The following PHYHIPL variants were observed in gnomAD, a reference collection of about 807,000 sequenced individuals.
PHYHIPL encodes phytanoyl-CoA hydroxylase-interacting protein-like.
Under a neutral mutation model 33.4 loss-of-function variants are expected in PHYHIPL, and 9 were observed. That is an observed-to-expected ratio of 0.27 (90% CI 0.16 to 0.47). The LOEUF (loss-of-function observed/expected upper bound fraction) is 0.47. PHYHIPL is among the 20% of genes least tolerant of loss of function. PHYHIPL has a pLI of 0.99. For missense variants in PHYHIPL, 365 were observed against 460.7 expected, an observed-to-expected ratio of 0.79 and a Z score of 1.90; for synonymous variants, 153 against 154.1, an observed-to-expected ratio of 0.99 and a Z score of 0.05.
At chr10:59,225,752 T>A (rs1364175665) in intron 1 of PHYHIPL, among the ~76,000 whole-genome samples, 1 of 152,164 alleles carries the variant, frequency 6.6e-6, no homozygotes, top group Non-Finnish European at 1.5e-5. Context: ...GAAACTTATG[T>A]AACTACCCCT....
At chr10:59,195,162 G>T (rs1838878745) in intron 1 of PHYHIPL, among the ~76,000 whole-genome samples, 1 of 151,292 alleles carries the variant, frequency 6.6e-6, no homozygotes. Context: ...TTATTTTGGT[G>T]CTAGAATTTA....
intron 1 of PHYHIPL, among the ~76,000 whole-genome samples, chr10:59,226,524 C>T (rs1839929763): frequency 6.6e-6 from 1 of 152,048 alleles, no homozygotes; most frequent in Non-Finnish European, 1.5e-5. Context: ...GTGGTGGAAT[C>T]ATTGCTAAGG....
chr10:59,182,412 G>A (rs944621097), intron 1 of PHYHIPL, among the ~76,000 whole-genome samples: 8 of 152,016 alleles, frequency 5.3e-5, no homozygotes, highest in African/African-American at 9.7e-5. Flanking sequence ...GCGCAGTCTT[G>A]GCTCACTGCA....
At chr10:59,232,481 A>T (rs1232650808) in intron 1 of PHYHIPL, among the ~76,000 whole-genome samples, 1 of 151,972 alleles carries the variant, frequency 6.6e-6, no homozygotes, top group Non-Finnish European at 1.5e-5. Flanking sequence ...GAATGAAAAA[A>T]TCCAAAAAAC....
In PHYHIPL at chr10:59,177,113, C is replaced by G. The variant is rs532889326; in HGVS notation, c.106+154C>G. 190 of 650,930 alleles carry G rather than the reference C, an allele frequency of 2.9e-4. 1 individual carries two copies. The highest frequency in any genetic ancestry group is 7.2e-4 in the Admixed American group (23 of 32,028). 40.3% of individuals were successfully genotyped at this position (650,930 alleles called of 1,614,324 possible). The stretch of plus-strand genomic sequence containing the variant: ...CAGATGTGGGTTACCCTCCGCCCAC[C>G]GCCCTCCCCTCACCCCAGAAACAAA... On this transcript the variant is annotated intron_variant, in intron 1 of 4. Coordinates refer to ENST00000373880, the MANE Select transcript of PHYHIPL (RefSeq NM_032439.4).
At chr10:59,181,646 C>T (rs899132933) in intron 1 of PHYHIPL, among the ~76,000 whole-genome samples, 2 of 152,030 alleles carry the variant, frequency 1.3e-5, no homozygotes, top group Admixed American at 6.6e-5. Flanking sequence ...GGACACGTAG[C>T]ATGTAGATTA....
At chr10:59,185,796 A>G (rs1838579019) in intron 1 of PHYHIPL, among the ~76,000 whole-genome samples, 1 of 151,976 alleles carries the variant, frequency 6.6e-6, no homozygotes, top group East Asian at 1.9e-4. Flanking sequence ...TCCTTTGCCC[A>G]CTTTTTGATG....
intron 1 of PHYHIPL, among the ~76,000 whole-genome samples, chr10:59,223,382 C>T (rs1839832201): frequency 6.6e-6 from 1 of 152,128 alleles, no homozygotes; most frequent in Admixed American, 6.5e-5. Context: ...ATATGCCAGC[C>T]TATTTCTACC....
intron 1 of PHYHIPL, among the ~76,000 whole-genome samples, chr10:59,223,835 T>C (rs1450017063): frequency 6.6e-6 from 1 of 151,990 alleles, no homozygotes; most frequent in Non-Finnish European, 1.5e-5. Flanking sequence ...AATTTTTGGA[T>C]TTTTTGTAGA....
chr10:59,173,895 T>C (rs968761340), upstream of PHYHIPL, among the ~76,000 whole-genome samples: 5 of 139,474 alleles, frequency 3.6e-5, no homozygotes, highest in Non-Finnish European at 6.0e-5. Flanking sequence ...GGTCAGAAGA[T>C]GAGAGGAAAA....
intron 1 of PHYHIPL, among the ~76,000 whole-genome samples, chr10:59,182,242 C>A (rs1838430789): frequency 6.6e-6 from 1 of 152,090 alleles, no homozygotes; most frequent in African/African-American, 2.4e-5. Flanking sequence ...TTTTCCATTT[C>A]TGTTATATTG....
intron 1 of PHYHIPL, among the ~76,000 whole-genome samples, chr10:59,191,065 A>G (rs1838771308): frequency 6.6e-6 from 1 of 151,800 alleles, no homozygotes; most frequent in South Asian, 2.1e-4. Context: ...AGTTGTCTCA[A>G]TATTTCTGAC....
chr10:59,196,695 G>A (rs146895499), intron 1 of PHYHIPL, among the ~76,000 whole-genome samples: 4 of 152,040 alleles, frequency 2.6e-5, no homozygotes, highest in East Asian at 3.9e-4. Context: ...GGTATTACAC[G>A]TGTGAGCCAC....
chr10:59,206,976 C>T, intron 1 of PHYHIPL: 1 of 223,618 alleles, frequency 4.5e-6, no homozygotes, highest in Non-Finnish European at 8.5e-6. Context: ...CAAAACAATA[C>T]AGTAAGAGGG....
rs1250076112 is a variant in PHYHIPL at position 59,245,714 on chromosome 10, AAAC to A, written c.*127_*129del. ...ATGCACATGCCACTGTCACCAAAAC[AAAC>A]AACTACCACTTTCCAAATTTCATTC... On this transcript the variant is annotated 3_prime_UTR_variant, in exon 5 of 5. Coordinates refer to ENST00000373880, the MANE Select transcript of PHYHIPL (RefSeq NM_032439.4). The A allele has an allele frequency of 7.0e-5, 76 of 1,084,780 alleles. No individual in the cohort carries two copies. Among genetic ancestry groups the A allele is most frequent in the South Asian group, 4.0e-4 (24 of 59,556 alleles). The allele number at this position is 1,084,780 out of a possible 1,614,324, so 67.2% of individuals were successfully genotyped here. A position where few individuals can be genotyped will look rare whatever the true frequency, so the allele number is the denominator to read the frequency against.
chr10:59,200,800 C>T (rs1341274938), intron 1 of PHYHIPL, among the ~76,000 whole-genome samples: 5 of 152,080 alleles, frequency 3.3e-5, no homozygotes, highest in African/African-American at 7.2e-5. Context: ...GTGTATGTGT[C>T]GAAGAATTTA....
At chr10:59,204,532 A>G (rs1427264296) in intron 1 of PHYHIPL, among the ~76,000 whole-genome samples, 3 of 152,146 alleles carry the variant, frequency 2.0e-5, no homozygotes, top group Admixed American at 2.0e-4. Flanking sequence ...GATTAGTGCA[A>G]ATTTAGTTTG....
chr10:59,196,731 C>T (rs1838931353), intron 1 of PHYHIPL, among the ~76,000 whole-genome samples: 1 of 152,022 alleles, frequency 6.6e-6, no homozygotes, highest in Non-Finnish European at 1.5e-5. Context: ...ACACTGTCAA[C>T]ATTTTTTATG....
chr10:59,187,628 T>C (rs1489459249), intron 1 of PHYHIPL, among the ~76,000 whole-genome samples: 2 of 152,210 alleles, frequency 1.3e-5, no homozygotes, highest in Non-Finnish European at 2.9e-5. Context: ...TATTAATTAT[T>C]GCCTCAATTT....
Sources: allele counts gnomAD v4.1 joint callset (sites outside exome capture counted in the v4.1 genomes callset), GRCh38; gene constraint gnomAD v4.1.1; transcripts MANE v1.5; gene names NCBI Gene and HGNC (gene_info 2026-07-23, HGNC 2026-07-21).